FSCN3: variants seen among roughly 807,000 people sequenced by gnomAD.
The protein encoded by FSCN3 is fascin actin-bundling protein 3.
FSCN3 carries 43 observed loss-of-function variants against 53.5 expected under a neutral mutation model. The observed-to-expected ratio is 0.80, with a 90% CI of 0.63 to 1.04. The LOEUF is 1.04. Ranked by LOEUF, FSCN3 falls within the 50% of genes least tolerant of loss-of-function variation. The pLI, the probability that FSCN3 is intolerant of heterozygous loss-of-function variation, is 0.00. For synonymous variants in FSCN3, 235 were observed against 246.6 expected (o/e 0.95, Z 0.44); for missense variants, 594 against 646.5 (o/e 0.92, Z 0.88).
rs767427484 is a variant in FSCN3 at position 127,595,857 on chromosome 7, G to A, written c.695G>A (p.Gly232Glu). 39 of 1,613,782 alleles carry A rather than the reference G, an allele frequency of 2.4e-5. No homozygotes were observed. Among genetic ancestry groups the A allele is most frequent in the Non-Finnish European group, 3.1e-5 (37 of 1,179,892 alleles). Residue 232 changes from glycine (G) to glutamate (E), a missense_variant, in exon 2 of 7, where the codon GGA (glycine) becomes GAA (glutamate). Gly to Glu is a moderately conservative substitution (Grantham distance 98). Coordinates refer to ENST00000265825, the MANE Select transcript of FSCN3 (RefSeq NM_020369.3). ...CTTGTGGCACTGTGTGATGGAGAAGGAGGCATGTTATATCCACAGGGCACG... is the reference window on the plus strand; with the variant it reads ...CTTGTGGCACTGTGTGATGGAGAAGAAGGCATGTTATATCCACAGGGCACG... ...GGLVALCDGE[G>E]GMLYPQGTHL...
At chr7:127,594,678 G>A (rs1794357300) in intron 1 of FSCN3, 6 of 471,026 alleles carry the variant, frequency 1.3e-5, no homozygotes, top group African/African-American at 8.0e-5. Flanking sequence ...GGGAACTCCA[G>A]AAGCCCTAGC....
chr7:127,599,235 A>C, intron 4 of FSCN3, 146 bp from the exon 5 acceptor site: 1 of 663,038 alleles, frequency 1.5e-6, no homozygotes, highest in Non-Finnish European at 2.7e-6. Context: ...ACAAGCACCT[A>C]GCATAAGACC....
chr7:127,593,864 C>CA lies in FSCN3; in HGVS notation c.12dup (p.Glu5ArgfsTer10). ...TGTGGTGTCAGCCCCATGGATGAGA[C>CA]AGAGTGGATACACAGACATCCCAAG... On this transcript the variant is annotated frameshift_variant, in exon 1 of 7. Transcript: ENST00000265825. LOFTEE classifies it high-confidence loss of function. The CA allele has an allele frequency of 6.4e-7, 1 of 1,568,984 alleles. No homozygotes were observed. The highest frequency in any genetic ancestry group is 8.6e-7 in the Non-Finnish European group (1 of 1,156,604).
chr7:127,594,248 CTGTGTGTGTG>C (rs368223947), intron 1 of FSCN3, among the ~76,000 whole-genome samples: 3 of 98,938 alleles, frequency 3.0e-5, no homozygotes, highest in South Asian at 3.7e-4. Context: ...AGTGGCCAAG[CTGTGTGTGTG>C]TGTGTGTGTG....
At chr7:127,594,088 A>AGTG in intron 1 of FSCN3, 91 bp downstream of exon 1, 2 of 935,634 alleles carry the variant, frequency 2.1e-6, no homozygotes, top group Non-Finnish European at 1.4e-6. Context: ...GCGTGAGTGT[A>AGTG]TGTGTGTGTG....
rs751230329 is a variant in FSCN3, at chr7:127,599,534, G to T, written c.1274G>T (p.Gly425Val). The T allele has an allele frequency of 1.4e-5, 23 of 1,613,884 alleles. No individual in the cohort carries two copies. The highest frequency in any genetic ancestry group is 1.9e-5 in the Non-Finnish European group (23 of 1,179,926). ...ATTCATCTACTACCCTGCCGACCGG[G>T]TATCTACCACTTCCAGGGTGAGTGG... is the stretch of plus-strand genomic sequence containing the variant. ...DRIHLLPCRPGIYHFQAQGGS... is the reference protein window; with the variant it reads ...DRIHLLPCRPVIYHFQAQGGS... The change falls in exon 5 of 7, where the codon GGT becomes GTT. Residue 425 changes from glycine (G) to valine (V), a missense_variant. Gly to Val is a moderately radical substitution (Grantham distance 109, BLOSUM62 -3). Transcript: ENST00000265825.
intron 3 of FSCN3, among the ~76,000 whole-genome samples, chr7:127,597,005 C>T (rs979198596): frequency 1.3e-5 from 2 of 152,226 alleles, no homozygotes; most frequent in African/African-American, 4.8e-5. Flanking sequence ...TTGTGCTTGG[C>T]ACAATGTTTT....
chr7:127,596,216 C>CAACAGAAAGTGATG (rs1324599575), intron 2 of FSCN3, 112 bp from the exon 3 acceptor site: 6 of 1,525,926 alleles, frequency 3.9e-6, no homozygotes, highest in Middle Eastern at 2.4e-4. Context: ...TACCATGGTC[C>CAACAGAAAGTGATG]AACAGAAAGT....
At chr7:127,597,771 C>T (rs1794411471) in intron 3 of FSCN3, among the ~76,000 whole-genome samples, 1 of 152,204 alleles carries the variant, frequency 6.6e-6, no homozygotes, top group South Asian at 2.1e-4. Flanking sequence ...AGCCACCGTG[C>T]CCGTTTTCAT....
rs756565313 is a variant in FSCN3, at chr7:127,600,273, C to G, written c.1371C>G (p.Ile457Met). 4.4e-6 allele frequency: 7 copies of G among 1,608,448 alleles called. No homozygotes were observed. The African/African-American group carries it at 6.7e-5, about 15-fold the overall frequency. The change falls in exon 6 of 7, where the codon ATC becomes ATG. Residue 457 changes from isoleucine (I) to methionine (M), a missense_variant. Coordinates refer to ENST00000265825, the MANE Select transcript of FSCN3 (RefSeq NM_020369.3). ...GCAAGTTTGCCCTCAACTTCTGTAT[C>G]GAGCTTCAGGGGAGCAACTTACTCA... Reference protein sequence around the residue: ...PWGKFALNFCIELQGSNLLTV... With the variant: ...PWGKFALNFCMELQGSNLLTV...
chr7:127,596,121 C>A, intron 2 of FSCN3, 118 bp downstream of exon 2: 1 of 1,483,678 alleles, frequency 6.7e-7, no homozygotes, highest in Non-Finnish European at 8.9e-7. Context: ...CCTGGGGACC[C>A]AAGGGGATCT....
At position 127,599,506 on chromosome 7, in the gene FSCN3, C is replaced by T. The variant is rs150488515; in HGVS notation, c.1246C>T (p.Arg416Cys). ...LIQCNQDQPD[R>C]IHLLPCRPGI... Reference sequence around the variant, plus strand: ...ACAGTGCAACCAGGATCAGCCCGACCGCATTCATCTACTACCCTGCCGACC... The same window carrying T: ...ACAGTGCAACCAGGATCAGCCCGACTGCATTCATCTACTACCCTGCCGACC... The change falls in exon 5 of 7, where the codon CGC (arginine) becomes TGC (cysteine). Residue 416 changes from arginine (R) to cysteine (C), a missense_variant. Transcript: ENST00000265825. 4.4e-5 allele frequency: 71 copies of T among 1,614,164 alleles called. No homozygotes were observed. The African/African-American group carries it at 5.9e-4, about 13-fold the overall frequency.
intron 5 of FSCN3, 150 bp from the exon 6 acceptor site, chr7:127,600,044 G>A (rs1239934774): frequency 1.6e-5 from 10 of 609,010 alleles, no homozygotes; most frequent in Admixed American, 1.1e-4. Context: ...CCCTATTGGC[G>A]CTCCTGCATT....
rs1199831695 is a variant in FSCN3, at chr7:127,600,351, G to A, written c.1449G>A (p.Leu483=). The A allele has an allele frequency of 6.2e-7, 1 of 1,613,610 alleles. No homozygotes were observed. The highest frequency in any genetic ancestry group is 8.5e-7 in the Non-Finnish European group (1 of 1,179,568). ...TGCGAGCCGACCAAAGTGGCACCCTGTTGGCAGACAGTGAAGACATTACCA... is the reference window on the plus strand; with the variant it reads ...TGCGAGCCGACCAAAGTGGCACCCTATTGGCAGACAGTGAAGACATTACCA... ...FYMRADQSGT[L]LADSEDITRE... is the part of the protein sequence containing the mutation. Residue 483 remains leucine, a synonymous_variant, in exon 6 of 7, where the codon CTG becomes CTA. Transcript: ENST00000265825.
chr7:127,599,694 C>T (rs1794443531), intron 5 of FSCN3, 143 bp downstream of exon 5: 1 of 705,766 alleles, frequency 1.4e-6, no homozygotes, highest in Non-Finnish European at 2.3e-6. Flanking sequence ...GCCTGTAATC[C>T]CAGCACTTTG....
At chr7:127,601,101 A>G (rs1794468113) in intron 6 of FSCN3, among the ~76,000 whole-genome samples, 1 of 152,086 alleles carries the variant, frequency 6.6e-6, no homozygotes, top group Admixed American at 6.6e-5. Flanking sequence ...AACCCTGCAA[A>G]TACTTGGCTA....
At chr7:127,598,202 A>T (rs1794419240) in intron 3 of FSCN3, among the ~76,000 whole-genome samples, 1 of 152,162 alleles carries the variant, frequency 6.6e-6, no homozygotes, top group Non-Finnish European at 1.5e-5. Flanking sequence ...TCTCCCTATG[A>T]TATCCTGGCG....
Position 127,595,379 on chromosome 7 carries a change from T to C in FSCN3, c.217T>C (p.Tyr73His), listed in dbSNP as rs1487432388. ...VVRLKSVQGL[Y>H]LLCECDGTVC... The stretch of plus-strand genomic sequence containing the variant: ...GCGACTAAAGAGCGTGCAGGGCCTC[T>C]ACCTGCTGTGTGAGTGTGATGGCAC... The change falls in exon 2 of 7, where the codon TAC becomes CAC. Residue 73 changes from tyrosine (Y) to histidine (H), a missense_variant. Coordinates refer to ENST00000265825, the MANE Select transcript of FSCN3 (RefSeq NM_020369.3). 3.1e-6 allele frequency: 5 copies of C among 1,614,166 alleles called. No homozygotes were observed. Among genetic ancestry groups the C allele is most frequent in the Non-Finnish European group, 4.2e-6 (5 of 1,180,012 alleles).
At chr7:127,600,594 G>A (rs1794458712) in intron 6 of FSCN3, among the ~76,000 whole-genome samples, 195 bp downstream of exon 6, 1 of 152,184 alleles carries the variant, frequency 6.6e-6, no homozygotes, top group Non-Finnish European at 1.5e-5. Context: ...ACCTGGGCTT[G>A]CTAGAAAGGG....
Sources: gnomAD v4.1 joint callset for allele counts (sites outside exome capture counted in the v4.1 genomes callset) on GRCh38, gnomAD v4.1.1 for gene constraint, MANE v1.5 for transcripts, NCBI Gene and HGNC (gene_info 2026-07-23, HGNC 2026-07-21) for gene names.